Variants in MTMR12 observed in about 807,000 individuals in gnomAD.
The protein encoded by MTMR12 is myotubularin related protein 12.
MTMR12 carries 33 observed loss-of-function variants against 96.7 expected under a neutral mutation model. The observed-to-expected ratio is 0.34, with a 90% CI of 0.26 to 0.46. The LOEUF (loss-of-function observed/expected upper bound fraction) is 0.46. Among genes scored for constraint, MTMR12 ranks in the 20% least tolerant of loss-of-function variants. The pLI is 1.00. For synonymous variants in MTMR12, 298 were observed against 327.2 expected (o/e 0.91, Z 0.96); for missense variants, 721 against 896.1 (o/e 0.80, Z 2.49).
intron 2 of MTMR12, among the ~76,000 whole-genome samples, chr5:32,274,710 AAC>A (rs1749983627): frequency 1.3e-5 from 2 of 152,186 alleles, no homozygotes; most frequent in Non-Finnish European, 2.9e-5. Context: ...ACGCTGGGAA[AAC>A]AGAGGTCAGA....
intron 6 of MTMR12, among the ~76,000 whole-genome samples, chr5:32,267,377 G>GAAAAAAAAAAAAAA (rs751223074): frequency 2.2e-5 from 2 of 89,956 alleles, no homozygotes; most frequent in African/African-American, 9.1e-5. Flanking sequence ...CTCCATCTCA[G>GAAAAAAAAAAAAAA]AAAAAAAAAA....
At chr5:32,308,406 T>C (rs181880649) in intron 1 of MTMR12, among the ~76,000 whole-genome samples, 162 of 151,464 alleles carry the variant, frequency 1.1e-3, no homozygotes, top group African/African-American at 3.9e-3. Flanking sequence ...GTGTAGGAAA[T>C]AGGAGAGAAC....
intron 1 of MTMR12, among the ~76,000 whole-genome samples, chr5:32,301,248 ACT>A (rs1751131070): frequency 6.6e-6 from 1 of 152,174 alleles, no homozygotes; most frequent in African/African-American, 2.4e-5. Context: ...AAGTATAAAC[ACT>A]GAGGCCAGCC....
chr5:32,281,829 G>A (rs1018104768), intron 1 of MTMR12, among the ~76,000 whole-genome samples: 1 of 151,862 alleles, frequency 6.6e-6, no homozygotes, highest in Admixed American at 6.6e-5. Context: ...GAACCTGGGA[G>A]GTGGAGGCTG....
In MTMR12 at chr5:32,248,876, T is replaced by C; in HGVS notation, c.792A>G (p.Ile264Met). The change falls in exon 9 of 16, where the codon ATA (isoleucine) becomes ATG (methionine). Residue 264 changes from isoleucine to methionine, a missense_variant and splice_region_variant. Ile to Met is a conservative substitution (Grantham distance 10). Transcript: ENST00000382142. The stretch of plus-strand genomic sequence containing the variant: ...TTCCATTGTGGCAGGACCAACACCA[T>C]ATCTGTAGAAACAAATAAAGCTTTA... ...VQRFQGHGIP[I>M]WCWSCHNGSA... The C allele has an allele frequency of 1.2e-6, 2 of 1,611,878 alleles. No homozygotes were observed. The highest frequency in any genetic ancestry group is 1.7e-6 in the Non-Finnish European group (2 of 1,177,966).
intron 6 of MTMR12, among the ~76,000 whole-genome samples, chr5:32,265,173 A>G (rs1490048847): frequency 6.6e-6 from 1 of 152,236 alleles, no homozygotes; most frequent in Non-Finnish European, 1.5e-5. Context: ...ACCCACCTCT[A>G]CAAACCCCTA....
In MTMR12 at chr5:32,228,591, G is replaced by GATATATATATATCATATATATGTAAT. The variant is rs1561727226; in HGVS notation, c.*1186_*1187insATTACATATATATGATATATATATAT. ...TATCATATATATATCATATATATGT[G>GATATATATATATCATATATATGTAAT]ATATATATATATATATCATATATAT... On this transcript the variant is annotated 3_prime_UTR_variant, in exon 16 of 16. Coordinates refer to ENST00000382142, the MANE Select transcript of MTMR12 (RefSeq NM_001040446.3). The GATATATATATATCATATATATGTAAT allele has an allele frequency of 1.9e-5, 2 of 103,670 alleles. No homozygotes were observed. Among genetic ancestry groups the GATATATATATATCATATATATGTAAT allele is most frequent in the African/African-American group, 7.9e-5 (2 of 25,430 alleles). 6.4% of individuals were successfully genotyped at this position (103,670 alleles called of 1,614,324 possible). A position where few individuals can be genotyped will look rare whatever the true frequency, so the allele number is the denominator to read the frequency against.
At chr5:32,281,256 A>AC (rs1270628326) in intron 1 of MTMR12, among the ~76,000 whole-genome samples, 10 of 150,012 alleles carry the variant, frequency 6.7e-5, no homozygotes, top group Admixed American at 2.7e-4. Flanking sequence ...ATTAAAAAAA[A>AC]AAAAAAAACA....
intron 1 of MTMR12, among the ~76,000 whole-genome samples, chr5:32,308,851 C>T (rs1216034651): frequency 6.6e-6 from 1 of 152,170 alleles, no homozygotes; most frequent in Non-Finnish European, 1.5e-5. Flanking sequence ...GATCCACCCA[C>T]CTCGGCCTCC....
chr5:32,304,983 T>C (rs1289943688), intron 1 of MTMR12, among the ~76,000 whole-genome samples: 4 of 152,208 alleles, frequency 2.6e-5, no homozygotes, highest in Non-Finnish European at 5.9e-5. Flanking sequence ...TCTGATGGCC[T>C]ACCAATGACC....
At chr5:32,271,306 C>T (rs933875540) in intron 4 of MTMR12, among the ~76,000 whole-genome samples, 6 of 152,212 alleles carry the variant, frequency 3.9e-5, no homozygotes, top group Non-Finnish European at 7.3e-5. Context: ...CCTGGGTTTA[C>T]AGCTAGGACC....
intron 10 of MTMR12, among the ~76,000 whole-genome samples, chr5:32,243,906 T>C (rs1392573925): frequency 1.3e-5 from 2 of 152,196 alleles, no homozygotes; most frequent in African/African-American, 2.4e-5. Context: ...TAACATGCTT[T>C]AGGCAGAAAT....
At chr5:32,267,844 C>CT (rs1318700803) in intron 6 of MTMR12, among the ~76,000 whole-genome samples, 3 of 151,824 alleles carry the variant, frequency 2.0e-5, no homozygotes, top group Admixed American at 6.6e-5. Context: ...TTTTCCTTTT[C>CT]TTTTTTTTGA....
intron 1 of MTMR12, among the ~76,000 whole-genome samples, chr5:32,296,743 G>C (rs1750941489): frequency 6.6e-6 from 1 of 151,514 alleles, no homozygotes; most frequent in Admixed American, 6.6e-5. Flanking sequence ...GAAGGTTGCA[G>C]TGAGCTATGA....
chr5:32,310,718 G>A (rs1247528961), intron 1 of MTMR12, among the ~76,000 whole-genome samples: 2 of 152,074 alleles, frequency 1.3e-5, no homozygotes, highest in Admixed American at 6.6e-5. Context: ...GATCTAGTAA[G>A]TGATAGCACA....
At chr5:32,282,969 A>G (rs1750364422) in intron 1 of MTMR12, among the ~76,000 whole-genome samples, 1 of 152,244 alleles carries the variant, frequency 6.6e-6, no homozygotes, top group African/African-American at 2.4e-5. Flanking sequence ...GAGAATGAAC[A>G]TAGCTGAATG....
rs780397125 is a variant in MTMR12 at position 32,263,136 on chromosome 5, G to A, written c.690C>T (p.Asn230=). ...GNMKYKAVSV[N]EGYKVCERLP... ...ACCTCTCACAGACTTTATAGCCTTC[G>A]TTGACACTCACTGCTTTGTACTTCA... Residue 230 remains asparagine, a synonymous_variant, in exon 7 of 16, where the codon AAC becomes AAT. Coordinates refer to ENST00000382142, the MANE Select transcript of MTMR12 (RefSeq NM_001040446.3). The A allele has an allele frequency of 3.7e-6, 6 of 1,614,128 alleles. No individual in the cohort carries two copies. Among genetic ancestry groups the A allele is most frequent in the African/African-American group, 1.3e-5 (1 of 75,028 alleles).
chr5:32,241,053 T>A (rs1428252984), intron 12 of MTMR12, among the ~76,000 whole-genome samples: 1 of 152,230 alleles, frequency 6.6e-6, no homozygotes, highest in Non-Finnish European at 1.5e-5. Context: ...GTTCTATCAG[T>A]CAAAGATTCA....
chr5:32,249,911 G>C (rs1253979763), intron 8 of MTMR12, among the ~76,000 whole-genome samples: 1 of 152,236 alleles, frequency 6.6e-6, no homozygotes, highest in African/African-American at 2.4e-5. Context: ...CTAAGTGCTT[G>C]AGAGTGGCTA....
Sources: gnomAD v4.1 joint callset for allele counts (sites outside exome capture counted in the v4.1 genomes callset) on GRCh38, gnomAD v4.1.1 for gene constraint, MANE v1.5 for transcripts, NCBI Gene and HGNC (gene_info 2026-07-23, HGNC 2026-07-21) for gene names.